The following ZNF460 variants were observed in gnomAD, a reference collection of about 807,000 sequenced individuals.
ZNF460 encodes the protein zinc finger protein 460, also known as zinc finger protein 272.
In ZNF460, 1 loss-of-function variant was observed where a neutral mutation model predicts 8.4. The ratio of observed to expected loss-of-function variants is 0.12; its 90% CI spans 0.04 to 0.56. The LOEUF is 0.56. ZNF460 is among the 20% of genes least tolerant of loss of function. The pLI, the probability that ZNF460 is intolerant of heterozygous loss-of-function variation, is 0.91. For synonymous variants in ZNF460, 262 were observed against 259.9 expected, an observed-to-expected ratio of 1.01 and a Z score of -0.08; for missense variants, 477 against 714.8, an observed-to-expected ratio of 0.67 and a Z score of 3.79.
In ZNF460 at chr19:57,290,970, A is replaced by G; in HGVS notation, c.429A>G (p.Gln143=). 1 of 1,614,250 alleles carries G rather than the reference A, an allele frequency of 6.2e-7. No homozygotes were observed. Among genetic ancestry groups the G allele is most frequent in the Non-Finnish European group, 8.5e-7 (1 of 1,180,046 alleles). ...DGICSMMIQN[Q]VSPEDALYGF... ...TTTGTTCAATGATGATACAGAACCA[A>G]GTCTCACCAGAAGATGCTCTCTATG... The change falls in exon 3 of 3, where the codon CAA becomes CAG. Residue 143 remains glutamine, a synonymous_variant. Coordinates refer to ENST00000360338, the MANE Select transcript of ZNF460 (RefSeq NM_006635.4).
chr19:57,281,556 AT>A (rs71293946), intron 1 of ZNF460, among the ~76,000 whole-genome samples: 629 of 85,032 alleles, frequency 7.4e-3, no homozygotes, highest in African/African-American at 0.022. Flanking sequence ...TAACCCTGAA[AT>A]TTTTTTTTTT....
chr19:57,280,859 TTGC>T, intron 1 of ZNF460, 23 bp downstream of exon 1: 1 of 1,613,978 alleles, frequency 6.2e-7, no homozygotes, highest in Non-Finnish European at 8.5e-7. Context: ...GGTTTCGGCC[TTGC>T]TGCTGCTGTG....
intron 2 of ZNF460, among the ~76,000 whole-genome samples, chr19:57,288,586 C>G (rs1034049369): frequency 6.6e-6 from 1 of 152,210 alleles, no homozygotes; most frequent in Non-Finnish European, 1.5e-5. Flanking sequence ...CTAGGATCAA[C>G]TAAATCATTT....
upstream of ZNF460, chr19:57,280,129 GCACCTTTGT>G (rs2087825125): frequency 6.6e-6 from 1 of 152,380 alleles, no homozygotes; most frequent in Admixed American, 6.5e-5. Flanking sequence ...AGCAGGGTAA[GCACCTTTGT>G]TCGGGGTCTG....
rs117192179 is a variant in ZNF460 at position 57,292,171 on chromosome 19, G to T, written c.1630G>T (p.Ala544Ser). 1 of 1,614,092 alleles carries T rather than the reference G, an allele frequency of 6.2e-7. No individual in the cohort carries two copies. The highest frequency in any genetic ancestry group is 1.3e-5 in the African/African-American group (1 of 75,022). ...AVNMETPSIA[A>S]HSSSLDINGF... is the part of the protein sequence containing the mutation. ...GAATATGGAAACGCCTTCAATTGCC[G>T]CTCATTCCTCCTCACTCGACATCAA... The change falls in exon 3 of 3, where the codon GCT (alanine) becomes TCT (serine). Residue 544 changes from alanine to serine, a missense_variant. Ala to Ser is a moderately conservative substitution (Grantham distance 99). This residue lies in a region of ZNF460 where 83 missense variants were observed against 82.3 expected (regional missense o/e 1.01). Coordinates refer to ENST00000360338, the MANE Select transcript of ZNF460 (RefSeq NM_006635.4).
At chr19:57,282,235 A>T (rs180741538) in intron 1 of ZNF460, among the ~76,000 whole-genome samples, 1 of 152,254 alleles carries the variant, frequency 6.6e-6, no homozygotes, top group East Asian at 1.9e-4. Flanking sequence ...TTACCTGCTG[A>T]CATATTCTGA....
At chr19:57,290,324 C>G (rs1366046459) in intron 2 of ZNF460, among the ~76,000 whole-genome samples, 2 of 151,780 alleles carry the variant, frequency 1.3e-5, no homozygotes, top group Non-Finnish European at 2.9e-5. Context: ...GTCACCTAGG[C>G]TGGAGTGCGG....
At chr19:57,283,658 C>T (rs979752984) in intron 1 of ZNF460, among the ~76,000 whole-genome samples, 1 of 151,526 alleles carries the variant, frequency 6.6e-6, no homozygotes, top group Admixed American at 6.6e-5. Context: ...TGTGCCACCA[C>T]ACCTGGCTAA....
intron 2 of ZNF460, among the ~76,000 whole-genome samples, chr19:57,286,958 G>A (rs1269936408): frequency 9.3e-6 from 1 of 107,274 alleles, no homozygotes; most frequent in African/African-American, 3.8e-5. Flanking sequence ...AGGAGACTCT[G>A]TCTCAAAAAA....
intron 2 of ZNF460, among the ~76,000 whole-genome samples, chr19:57,289,273 G>A (rs1241305777): frequency 6.6e-6 from 1 of 152,088 alleles, no homozygotes; most frequent in Non-Finnish European, 1.5e-5. Context: ...AAGAGTAGCT[G>A]TGGCCATCAC....
chr19:57,292,301 TA>T lies in ZNF460; in HGVS notation c.*73del, dbSNP rs777079185. Reference sequence around the variant, plus strand: ...AATTCCTATTAGCGAAATAGTTTTTTAATATAACCACTGAAGAAAATCTGTG... The same window carrying T: ...AATTCCTATTAGCGAAATAGTTTTTTATATAACCACTGAAGAAAATCTGTG... On this transcript the variant is annotated 3_prime_UTR_variant, in exon 3 of 3. Coordinates refer to ENST00000360338, the MANE Select transcript of ZNF460 (RefSeq NM_006635.4). 2 of 1,461,382 alleles carry T rather than the reference TA, an allele frequency of 1.4e-6. No individual in the cohort carries two copies. The highest frequency in any genetic ancestry group is 1.8e-6 in the Non-Finnish European group (2 of 1,084,922). 90.5% of individuals were successfully genotyped at this position (1,461,382 alleles called of 1,614,324 possible). A position where few individuals can be genotyped will look rare whatever the true frequency, so the allele number is the denominator to read the frequency against.
chr19:57,291,945 C>T lies in ZNF460; in HGVS notation c.1404C>T (p.Ser468=), dbSNP rs756627383. Residue 468 remains serine (S), a synonymous_variant, in exon 3 of 3, where the codon AGC becomes AGT. Coordinates refer to ENST00000360338, the MANE Select transcript of ZNF460 (RefSeq NM_006635.4). This position sits in a 1 kb window ranked among gnomAD's most constrained non-coding sequence, Gnocchi z 8.4. ...CRTTNLIRHF[S]IHTGEKPYEC... ...CCACAAACCTGATTCGACACTTTAG[C>T]ATCCACACTGGAGAGAAGCCCTATG... 6.2e-7 allele frequency: 1 copy of T among 1,613,700 alleles called. No individual in the cohort carries two copies. Among genetic ancestry groups the T allele is most frequent in the Non-Finnish European group, 8.5e-7 (1 of 1,179,918 alleles).
Position 57,286,856 on chromosome 19 carries a change from C to T in ZNF460, c.157+2179C>T, listed in dbSNP as rs144030732. Among the ~76,000 whole-genome samples the T allele has an allele frequency of 3.0e-3, 450 of 150,586 alleles. 3 individuals are homozygous for T. Among genetic ancestry groups the T allele is most frequent in the African/African-American group, 0.011 (437 of 40,964 alleles). On this transcript the variant is annotated intron_variant, in intron 2 of 2. Coordinates refer to ENST00000360338, the MANE Select transcript of ZNF460 (RefSeq NM_006635.4). ...GTACACACCTGTAATCCCAGCTACT[C>T]GGGAGGCTGAGGCAGGCGAATCGCT...
chr19:57,287,435 C>T (rs1325448627), intron 2 of ZNF460, among the ~76,000 whole-genome samples: 1 of 152,132 alleles, frequency 6.6e-6, no homozygotes, highest in African/African-American at 2.4e-5. Flanking sequence ...TTAGAATATA[C>T]TCGTGTGTAC....
At chr19:57,286,128 T>G (rs966325903) in intron 2 of ZNF460, among the ~76,000 whole-genome samples, 2 of 152,278 alleles carry the variant, frequency 1.3e-5, no homozygotes, top group Admixed American at 6.5e-5. Context: ...TTTGCTTTAC[T>G]GCACCTTGCA....
chr19:57,288,832 T>G (rs556597614), intron 2 of ZNF460, among the ~76,000 whole-genome samples: 81 of 152,206 alleles, frequency 5.3e-4, no homozygotes, highest in African/African-American at 1.9e-3. Flanking sequence ...TCATAGCCCA[T>G]CCTTTTTACT....
chr19:57,281,659 G>A (rs2122880804), intron 1 of ZNF460, among the ~76,000 whole-genome samples: 1 of 134,612 alleles, frequency 7.4e-6, no homozygotes, highest in Admixed American at 9.1e-5. Context: ...TCCGCCTTTT[G>A]GGTTCAAGCG....
At position 57,291,516 on chromosome 19, in the gene ZNF460, A is replaced by G. The variant is rs1020832826; in HGVS notation, c.975A>G (p.Gln325=). The change falls in exon 3 of 3, where the codon CAA becomes CAG. Residue 325 remains glutamine (Q), a synonymous_variant. Coordinates refer to ENST00000360338, the MANE Select transcript of ZNF460 (RefSeq NM_006635.4). This position sits in a 1 kb window ranked among gnomAD's most constrained non-coding sequence, Gnocchi z 8.4. ...KGFYESTALI[Q]HFIIHTGERP... is the part of the protein sequence containing the mutation. ...TTTATGAGAGTACAGCCCTCATTCA[A>G]CACTTCATTATCCATACTGGGGAGA... 9 of 1,612,218 alleles carry G rather than the reference A, an allele frequency of 5.6e-6. No homozygotes were observed. Among genetic ancestry groups the G allele is most frequent in the Non-Finnish European group, 6.8e-6 (8 of 1,179,410 alleles).
intron 1 of ZNF460, among the ~76,000 whole-genome samples, chr19:57,283,090 A>G (rs1349571281): frequency 6.6e-6 from 1 of 151,282 alleles, no homozygotes; most frequent in Non-Finnish European, 1.5e-5. Flanking sequence ...TGAGTGTGAC[A>G]TAGAGATGAT....
Sources: gnomAD v4.1 joint callset for allele counts (sites outside exome capture counted in the v4.1 genomes callset) on GRCh38, gnomAD v4.1.1 for gene constraint, gnomAD v4.1.1 regional missense constraint, Gnocchi (gnomAD v3.1) non-coding constraint, MANE v1.5 for transcripts, NCBI Gene and HGNC (gene_info 2026-07-23, HGNC 2026-07-21) for gene names.